The following FHIT variants were observed in gnomAD, a reference collection of about 807,000 sequenced individuals.
The protein encoded by FHIT is fragile histidine triad diadenosine triphosphatase.
Under a neutral mutation model 17.9 loss-of-function variants are expected in FHIT, and 19 were observed. The observed-to-expected ratio is 1.06, with a 90% CI of 0.74 to 1.56. The LOEUF (loss-of-function observed/expected upper bound fraction) is 1.56. FHIT is among the 40% of genes most tolerant of loss of function. FHIT has a pLI of 0.00. For synonymous variants in FHIT, 81 were observed against 69.7 expected, an observed-to-expected ratio of 1.16 and a Z score of -0.81; for missense variants, 248 against 189.2, an observed-to-expected ratio of 1.31 and a Z score of -1.82.
At chr3:61,199,439 T>C (rs1425392139) in intron 2 of FHIT, among the ~76,000 whole-genome samples, 1 of 152,258 alleles carries the variant, frequency 6.6e-6, no homozygotes, top group African/African-American at 2.4e-5. Context: ...CTTAAGATAG[T>C]AATTTCTTCA....
intron 5 of FHIT, among the ~76,000 whole-genome samples, chr3:60,258,095 CA>C (rs1706104472): frequency 1.4e-5 from 2 of 147,940 alleles, no homozygotes; most frequent in Non-Finnish European, 3.0e-5. Context: ...CACACACACA[CA>C]CACACCTCTG....
chr3:60,668,171 T>G (rs965889189), intron 4 of FHIT, among the ~76,000 whole-genome samples: 2 of 151,752 alleles, frequency 1.3e-5, no homozygotes, highest in Non-Finnish European at 2.9e-5. Flanking sequence ...CTGACAGTAT[T>G]ATTTGCTATA....
At chr3:60,953,005 G>T (rs543489066) in intron 3 of FHIT, among the ~76,000 whole-genome samples, 1 of 152,186 alleles carries the variant, frequency 6.6e-6, no homozygotes, top group Non-Finnish European at 1.5e-5. Flanking sequence ...ATTCATTTAA[G>T]TCTTAGGCCC....
intron 3 of FHIT, among the ~76,000 whole-genome samples, chr3:60,952,148 G>C (rs1447536664): frequency 6.7e-6 from 1 of 148,238 alleles, no homozygotes; most frequent in African/African-American, 2.5e-5. Context: ...TGGGAGACAA[G>C]AGCAAAACTC....
At chr3:60,934,364 T>C (rs1054065416) in intron 3 of FHIT, among the ~76,000 whole-genome samples, 1 of 152,042 alleles carries the variant, frequency 6.6e-6, no homozygotes, top group Non-Finnish European at 1.5e-5. Context: ...ATAAAACCAC[T>C]AAACTAAGGA....
At chr3:60,960,182 C>G (rs1249118596) in intron 3 of FHIT, among the ~76,000 whole-genome samples, 6 of 152,144 alleles carry the variant, frequency 3.9e-5, no homozygotes, top group Non-Finnish European at 8.8e-5. Context: ...TCTTCCCACC[C>G]TATCTAACAC....
intron 5 of FHIT, among the ~76,000 whole-genome samples, chr3:60,022,301 A>T (rs1345746395): frequency 6.6e-6 from 1 of 152,218 alleles, no homozygotes; most frequent in Non-Finnish European, 1.5e-5. Flanking sequence ...ATCAAATGGG[A>T]TATGGCAGTC....
intron 8 of FHIT, among the ~76,000 whole-genome samples, chr3:59,861,042 C>T (rs754626988): frequency 3.3e-5 from 5 of 151,904 alleles, no homozygotes; most frequent in South Asian, 4.2e-4. Flanking sequence ...CTGTGGAGGA[C>T]GTGGCACTGA....
chr3:60,732,926 T>C (rs1553711742), intron 4 of FHIT, among the ~76,000 whole-genome samples: 1 of 152,094 alleles, frequency 6.6e-6, no homozygotes, highest in African/African-American at 2.4e-5. Flanking sequence ...CCTCAGGTGA[T>C]CGGCCCACCT....
At chr3:60,036,500 C>A (rs1445128944) in intron 5 of FHIT, among the ~76,000 whole-genome samples, 1 of 152,048 alleles carries the variant, frequency 6.6e-6, no homozygotes, top group Non-Finnish European at 1.5e-5. Flanking sequence ...CTTCGAATAC[C>A]CTGGAGGCTA....
intron 5 of FHIT, among the ~76,000 whole-genome samples, chr3:60,376,365 A>C (rs72875090): frequency 1.2e-3 from 176 of 152,334 alleles, no homozygotes; most frequent in African/African-American, 3.9e-3. Context: ...TTCATGTTAG[A>C]AGACTGGAAT....
intron 8 of FHIT, among the ~76,000 whole-genome samples, chr3:59,893,446 G>A (rs1008808159): frequency 6.6e-6 from 1 of 152,172 alleles, no homozygotes; most frequent in Non-Finnish European, 1.5e-5. Flanking sequence ...GGATTTATAT[G>A]CTCTAATATG....
chr3:59,837,850 T>TC (rs1222933405), intron 8 of FHIT, among the ~76,000 whole-genome samples: 1 of 151,752 alleles, frequency 6.6e-6, no homozygotes, highest in African/African-American at 2.4e-5. Context: ...GGTGGTGGTG[T>TC]GGGGGGGTGG....
intron 2 of FHIT, among the ~76,000 whole-genome samples, chr3:61,153,331 G>GT (rs1052547588): frequency 2.6e-5 from 4 of 152,122 alleles, no homozygotes; most frequent in African/African-American, 9.7e-5. Flanking sequence ...CATATCAATT[G>GT]TAAGATATTG....
intron 5 of FHIT, among the ~76,000 whole-genome samples, chr3:60,388,457 C>G (rs1701097015): frequency 6.6e-6 from 1 of 151,986 alleles, no homozygotes; most frequent in South Asian, 2.1e-4. Flanking sequence ...CAACAATTAG[C>G]AGGGCCTGGT....
chr3:60,137,941 T>A (rs1699882896), intron 5 of FHIT, among the ~76,000 whole-genome samples: 1 of 152,204 alleles, frequency 6.6e-6, no homozygotes, highest in African/African-American at 2.4e-5. Flanking sequence ...ACTGACCTCA[T>A]TAGTCATTAT....
intron 5 of FHIT, among the ~76,000 whole-genome samples, chr3:60,221,825 G>A (rs1232436652): frequency 6.6e-6 from 1 of 151,816 alleles, no homozygotes; most frequent in Non-Finnish European, 1.5e-5. Flanking sequence ...CCTATCTGTA[G>A]CAACCATTTT....
intron 5 of FHIT, among the ~76,000 whole-genome samples, chr3:60,303,105 C>T (rs1379639571): frequency 6.6e-6 from 1 of 152,124 alleles, no homozygotes; most frequent in Non-Finnish European, 1.5e-5. Flanking sequence ...AGACTGACAA[C>T]TGCCAAACCT....
At chr3:59,760,282 T>C (rs1236148343) in intron 8 of FHIT, among the ~76,000 whole-genome samples, 1 of 152,120 alleles carries the variant, frequency 6.6e-6, no homozygotes, top group Non-Finnish European at 1.5e-5. Flanking sequence ...CCCCCAAAAG[T>C]AAGTATTAAC....
Sources: allele counts gnomAD v4.1 joint callset (sites outside exome capture counted in the v4.1 genomes callset), GRCh38; gene constraint gnomAD v4.1.1; transcripts MANE v1.5; gene names NCBI Gene and HGNC (gene_info 2026-07-23, HGNC 2026-07-21).